FAT3: variants seen among roughly 807,000 people sequenced by gnomAD.
The protein encoded by FAT3 is FAT atypical cadherin 3, also known as protocadherin Fat 3.
A neutral mutation model predicts 310.2 loss-of-function variants in FAT3; 95 were observed. The observed-to-expected ratio is 0.31, with a 90% CI of 0.26 to 0.36. The LOEUF (loss-of-function observed/expected upper bound fraction) is 0.36. Ranked by LOEUF, FAT3 falls within the 10% of genes least tolerant of loss-of-function variation. The pLI, the probability that FAT3 is intolerant of heterozygous loss-of-function variation, is 1.00. For missense variants in FAT3, 5,408 were observed against 5,715.6 expected (o/e 0.95, Z 1.74); for synonymous variants, 2,314 against 2,192.9 (o/e 1.06, Z -1.54).
chr11:92,668,564 C>T lies in FAT3; in HGVS notation c.3608-28820C>T, dbSNP rs535412902. On this transcript the variant is annotated intron_variant, in intron 3 of 27. Coordinates refer to ENST00000525166, the MANE Select transcript of FAT3 (RefSeq NM_001367949.2). ...TGGGCTTGTATCTAGACTCCATCAC[C>T]TGCAAGCTGCGTGACCTTGATCAAG... 2.0e-5 allele frequency among the ~76,000 whole-genome samples: 3 copies of T among 152,314 alleles called. No individual in the cohort carries two copies. The South Asian group carries it at 6.2e-4, about 32-fold the overall frequency.
chr11:92,878,577 C>T (rs1949589319), intron 22 of FAT3, among the ~76,000 whole-genome samples: 1 of 131,600 alleles, frequency 7.6e-6, no homozygotes, highest in Non-Finnish European at 1.6e-5. Context: ...TATTAATATC[C>T]TCAGACAGAT....
At chr11:92,464,729 T>C (rs1372294145) in intron 2 of FAT3, among the ~76,000 whole-genome samples, 2 of 152,218 alleles carry the variant, frequency 1.3e-5, no homozygotes, top group African/African-American at 4.8e-5. Context: ...AGAATGTACC[T>C]AGAATATCCT....
chr11:92,227,943 C>A (rs915185154), intron 1 of FAT3, among the ~76,000 whole-genome samples: 1 of 150,006 alleles, frequency 6.7e-6, no homozygotes, highest in African/African-American at 2.4e-5. Flanking sequence ...TAACATTTTA[C>A]AAGGAGAAAA....
chr11:92,245,901 G>A (rs1469690865), intron 1 of FAT3, among the ~76,000 whole-genome samples: 1 of 152,116 alleles, frequency 6.6e-6, no homozygotes, highest in African/African-American at 2.4e-5. Flanking sequence ...AGAACCATCT[G>A]CGCAATGGGG....
chr11:92,763,452 A>T (rs1002362270), intron 5 of FAT3, among the ~76,000 whole-genome samples: 13 of 151,536 alleles, frequency 8.6e-5, no homozygotes. Flanking sequence ...GATAGATTCA[A>T]GTGGATACTG....
At chr11:92,498,726 C>G (rs1342119817) in intron 2 of FAT3, 3 of 153,372 alleles carry the variant, frequency 2.0e-5, no homozygotes, top group East Asian at 1.9e-4. Context: ...ATCACCAAGA[C>G]TCACCTCAAT....
chr11:92,742,362 A>G (rs1237079865), intron 4 of FAT3, among the ~76,000 whole-genome samples: 1 of 152,232 alleles, frequency 6.6e-6, no homozygotes, highest in African/African-American at 2.4e-5. Flanking sequence ...GGGAACCCCA[A>G]TCAAAGCAGC....
At chr11:92,607,681 G>A (rs148448644) in intron 3 of FAT3, among the ~76,000 whole-genome samples, 2 of 152,238 alleles carry the variant, frequency 1.3e-5, no homozygotes, top group Non-Finnish European at 2.9e-5. Context: ...TGAATACCAT[G>A]TAATTAAAAT....
intron 4 of FAT3, among the ~76,000 whole-genome samples, chr11:92,727,711 G>T (rs765630561): frequency 6.6e-6 from 1 of 152,110 alleles, no homozygotes; most frequent in Non-Finnish European, 1.5e-5. Context: ...TGTTCATCTT[G>T]TGCAGGGTCC....
intron 2 of FAT3, among the ~76,000 whole-genome samples, chr11:92,413,559 G>A (rs1008165855): frequency 2.0e-5 from 3 of 152,108 alleles, no homozygotes; most frequent in Non-Finnish European, 4.4e-5. Context: ...GGGGATAAAG[G>A]AAAGGTTCAG....
chr11:92,836,623 A>C lies in FAT3; in HGVS notation c.10144A>C (p.Asn3382His). The change falls in exon 16 of 28, where the codon AAT (asparagine) becomes CAT (histidine). Residue 3382 changes from asparagine (N) to histidine (H), a missense_variant. This residue lies in a region of FAT3 where 4,588 missense variants were observed against 4,809.8 expected (regional missense o/e 0.95). Transcript: ENST00000525166. ...CGGACAGATTCATTTTTCCATTGTG[A>C]ATGGAGATCGGGACAATGAATTTAC... Reference protein sequence around the residue: ...PNGQIHFSIVNGDRDNEFTVD... With the variant: ...PNGQIHFSIVHGDRDNEFTVD... 1 of 1,613,854 alleles carries C rather than the reference A, an allele frequency of 6.2e-7. No individual in the cohort carries two copies. The highest frequency in any genetic ancestry group is 8.5e-7 in the Non-Finnish European group (1 of 1,179,810).
At chr11:92,311,405 G>C (rs1177088510) in intron 1 of FAT3, among the ~76,000 whole-genome samples, 1 of 152,120 alleles carries the variant, frequency 6.6e-6, no homozygotes, top group Non-Finnish European at 1.5e-5. Context: ...TGTGATGTGT[G>C]TTACAGTCTA....
At chr11:92,242,121 A>T (rs1035040583) in intron 1 of FAT3, among the ~76,000 whole-genome samples, 2 of 152,090 alleles carry the variant, frequency 1.3e-5, no homozygotes, top group African/African-American at 4.8e-5. Context: ...TTGAGCAACT[A>T]TTGTGTTTAA....
chr11:92,716,360 A>G (rs1401022568), intron 4 of FAT3, among the ~76,000 whole-genome samples: 2 of 152,134 alleles, frequency 1.3e-5, no homozygotes, highest in Non-Finnish European at 2.9e-5. Context: ...TCATCCTGCT[A>G]GCAACTGACT....
chr11:92,231,503 C>A (rs1413132837), intron 1 of FAT3, among the ~76,000 whole-genome samples: 1 of 152,144 alleles, frequency 6.6e-6, no homozygotes, highest in African/African-American at 2.4e-5. Context: ...ATAAGCCCAG[C>A]TGTTGAATGA....
At chr11:92,312,026 A>G (rs187366472) in intron 1 of FAT3, among the ~76,000 whole-genome samples, 190 of 152,290 alleles carry the variant, frequency 1.2e-3, no homozygotes, top group Non-Finnish European at 1.8e-3. Context: ...TTCATAATCA[A>G]TTTTTCTTCT....
chr11:92,311,104 G>A (rs1947293377), intron 1 of FAT3, among the ~76,000 whole-genome samples: 1 of 151,068 alleles, frequency 6.6e-6, no homozygotes, highest in African/African-American at 2.4e-5. Context: ...ATATCTTAAG[G>A]TTATGCTTTT....
At chr11:92,533,414 G>C (rs1486153180) in intron 3 of FAT3, among the ~76,000 whole-genome samples, 2 of 152,118 alleles carry the variant, frequency 1.3e-5, no homozygotes. Context: ...TCCATGATAG[G>C]AAGTAATTTG....
At chr11:92,770,759 A>G (rs1442204696) in intron 6 of FAT3, among the ~76,000 whole-genome samples, 5 of 152,210 alleles carry the variant, frequency 3.3e-5, no homozygotes, top group African/African-American at 1.2e-4. Context: ...GGAGGGACAG[A>G]GGTGCTTCGT....
Sources: allele counts gnomAD v4.1 joint callset (sites outside exome capture counted in the v4.1 genomes callset), GRCh38; gene constraint gnomAD v4.1.1; regional missense constraint gnomAD v4.1.1; transcripts MANE v1.5; gene names NCBI Gene and HGNC (gene_info 2026-07-23, HGNC 2026-07-21).